SCAF8: variants seen among roughly 807,000 people sequenced by gnomAD.
SCAF8 encodes SR-related and CTD-associated factor 8.
In SCAF8, 23 loss-of-function variants were observed where a neutral mutation model predicts 140.5. The observed-to-expected ratio is 0.16, with a 90% confidence interval of 0.12 to 0.23. The LOEUF is 0.23. Ranked by LOEUF, SCAF8 falls within the 10% of genes least tolerant of loss-of-function variation. The pLI, the probability that SCAF8 is intolerant of heterozygous loss-of-function variation, is 1.00. For synonymous variants in SCAF8, 575 were observed against 528.9 expected, an observed-to-expected ratio of 1.09 and a Z score of -1.20; for missense variants, 1,397 against 1,555.7, an observed-to-expected ratio of 0.90 and a Z score of 1.72.
rs772824592 is a variant in SCAF8 at position 154,802,139 on chromosome 6, T to G, written c.775T>G (p.Phe259Val). 2.6e-5 allele frequency: 41 copies of G among 1,572,882 alleles called. No homozygotes were observed. Among genetic ancestry groups the G allele is most frequent in the Non-Finnish European group, 3.5e-5 (41 of 1,162,746 alleles). Residue 259 changes from phenylalanine to valine, a missense_variant, in exon 7 of 20, where the codon TTT becomes GTT. Transcript: ENST00000367178. ...TACTCCCTTAGAACAGGGAGTCTCC[T>G]TTAACAAGGTAGAAATTAAAATATC... ...TLTPLEQGVS[F>V]NKKLMDRFDF...
In SCAF8 at chr6:154,733,666, T is replaced by C; in HGVS notation, c.-235T>C. On this transcript the variant is annotated 5_prime_UTR_variant, in exon 1 of 20. Coordinates refer to ENST00000367178, the MANE Select transcript of SCAF8 (RefSeq NM_014892.5). ...CGACCCGCCCCGGCAGCGCCTCTGTTCCCTAGAACGGCGCTCCCCCCGCCC... is the reference window on the plus strand; with the variant it reads ...CGACCCGCCCCGGCAGCGCCTCTGTCCCCTAGAACGGCGCTCCCCCCGCCC... 7.7e-7 allele frequency: 1 copy of C among 1,301,892 alleles called. No individual in the cohort carries two copies. The allele number at this position is 1,301,892 out of a possible 1,614,324, so 80.6% of individuals were successfully genotyped here.
chr6:154,828,085 A>T (rs1175606180), intron 18 of SCAF8, among the ~76,000 whole-genome samples: 1 of 152,156 alleles, frequency 6.6e-6, no homozygotes, highest in African/African-American at 2.4e-5. Flanking sequence ...CCTTTTAATG[A>T]TGTTAAGATT....
chr6:154,828,782 G>GAA (rs1778643447), intron 18 of SCAF8, among the ~76,000 whole-genome samples: 1 of 152,090 alleles, frequency 6.6e-6, no homozygotes, highest in Non-Finnish European at 1.5e-5. Context: ...GACAAAACTA[G>GAA]AAAATGTGCA....
chr6:154,767,529 C>CT lies in SCAF8; in HGVS notation c.31-6433dup, dbSNP rs71021076. ...TGGCAGAAGCTGCTGCTTCTGTTAT[C>CT]TTTTTTTTTTTTTTTTTTTTTTTTT... is the stretch of plus-strand genomic sequence containing the variant. On this transcript the variant is annotated intron_variant, in intron 1 of 19. Coordinates refer to ENST00000367178, the MANE Select transcript of SCAF8 (RefSeq NM_014892.5). Among the ~76,000 whole-genome samples the CT allele has an allele frequency of 8.7e-3, 795 of 90,990 alleles. 64 individuals are homozygous for CT. The highest frequency in any genetic ancestry group is 0.013 in the Non-Finnish European group (573 of 45,296). The allele number at this position is 90,990 out of a possible 152,430, so 59.7% of individuals were successfully genotyped here.
At chr6:154,820,416 T>A in intron 15 of SCAF8, 83 bp downstream of exon 15, 1 of 1,115,302 alleles carries the variant, frequency 9.0e-7, no homozygotes, top group Non-Finnish European at 1.3e-6. Context: ...ATGACAGCGT[T>A]AACTGTGTAT....
chr6:154,784,470 G>T (rs2114864680), intron 3 of SCAF8, among the ~76,000 whole-genome samples: 1 of 152,120 alleles, frequency 6.6e-6, no homozygotes, highest in African/African-American at 2.4e-5. Context: ...TAAGAAACCA[G>T]GGATGTTTAT....
chr6:154,761,468 G>A (rs1776397251), intron 1 of SCAF8, among the ~76,000 whole-genome samples: 1 of 152,054 alleles, frequency 6.6e-6, no homozygotes, highest in Non-Finnish European at 1.5e-5. Context: ...ACTCCAGCCT[G>A]GGCAATAGAG....
Position 154,827,569 on chromosome 6 carries a change from A to G in SCAF8, c.2140+329A>G, listed in dbSNP as rs550161569. ...CCTCCCTTCCTTTTCTTAATGCTTC[A>G]TGACTTGTTGAAGAAACAGTTCATT... On this transcript the variant is annotated intron_variant, in intron 18 of 19. Transcript: ENST00000367178. Among the ~76,000 whole-genome samples, 39 of 152,226 alleles carry G rather than the reference A, an allele frequency of 2.6e-4. No individual in the cohort carries two copies. The South Asian group carries it at 7.7e-3, about 30-fold the overall frequency.
chr6:154,792,834 G>T lies in SCAF8; in HGVS notation c.333G>T (p.Val111=). 6.2e-7 allele frequency: 1 copy of T among 1,604,376 alleles called. No homozygotes were observed. Among genetic ancestry groups the T allele is most frequent in the Non-Finnish European group, 8.5e-7 (1 of 1,175,614 alleles). Reference sequence around the variant, plus strand: ...CTTTTTTTCTCTAGAGTAAAATAGTGAGAGTACTAAACTTATGGCAGAAGA... The same window carrying T: ...CTTTTTTTCTCTAGAGTAAAATAGTTAGAGTACTAAACTTATGGCAGAAGA... The part of the protein sequence containing the change: ...RCPGDDKSKI[V]RVLNLWQKNN... Residue 111 remains valine (V), a synonymous_variant, in exon 5 of 20, where the codon GTG becomes GTT. Coordinates refer to ENST00000367178, the MANE Select transcript of SCAF8 (RefSeq NM_014892.5).
intron 1 of SCAF8, among the ~76,000 whole-genome samples, chr6:154,739,371 G>C (rs1156495943): frequency 6.6e-6 from 1 of 152,050 alleles, no homozygotes; most frequent in African/African-American, 2.4e-5. Context: ...CTTCAAAAAA[G>C]TTAACAGTAA....
intron 8 of SCAF8, 152 bp downstream of exon 8, chr6:154,803,775 C>G (rs72993453): frequency 0.019 from 11,168 of 592,866 alleles, 151 homozygotes; most frequent in Non-Finnish European, 0.023. Flanking sequence ...GTCTTGTTGT[C>G]TCTTTGTATT....
intron 3 of SCAF8, among the ~76,000 whole-genome samples, chr6:154,785,985 C>T (rs1777239980): frequency 6.6e-6 from 1 of 152,090 alleles, no homozygotes; most frequent in South Asian, 2.1e-4. Flanking sequence ...TACCGTATGC[C>T]ATTGTATAAC....
At chr6:154,805,514 G>C in intron 9 of SCAF8, 28 bp downstream of exon 9, 3 of 1,282,068 alleles carry the variant, frequency 2.3e-6, no homozygotes, top group Non-Finnish European at 3.3e-6. Flanking sequence ...GTGGTCTTTA[G>C]AGTTATTACT....
intron 1 of SCAF8, among the ~76,000 whole-genome samples, chr6:154,757,584 C>A (rs1778998549): frequency 1.3e-5 from 2 of 152,148 alleles, no homozygotes; most frequent in Non-Finnish European, 2.9e-5. Context: ...TGCTTGGATA[C>A]CTAATATGTA....
At position 154,791,421 on chromosome 6, in the gene SCAF8, T is replaced by A. The variant is rs140128652; in HGVS notation, c.322-1402T>A. On this transcript the variant is annotated intron_variant, in intron 4 of 19. Coordinates refer to ENST00000367178, the MANE Select transcript of SCAF8 (RefSeq NM_014892.5). ...ATATGAAATGACTGAGATTAGGGTA[T>A]AAGTAATTAAATAGAAGTACGTTAT... Among the ~76,000 whole-genome samples the A allele has an allele frequency of 9.0e-3, 1,375 of 152,300 alleles. 16 individuals are homozygous for A. The highest frequency in any genetic ancestry group is 0.013 in the Non-Finnish European group (897 of 68,018).
At chr6:154,777,880 ATT>A (rs2114852183) in intron 2 of SCAF8, 119 bp from the exon 3 acceptor site, 1 of 653,956 alleles carries the variant, frequency 1.5e-6, no homozygotes, top group East Asian at 2.9e-5. Flanking sequence ...TTGTCTCAAA[ATT>A]CTTGGTTAAG....
chr6:154,792,750 T>A, intron 4 of SCAF8, 73 bp from the exon 5 acceptor site: 1 of 1,017,722 alleles, frequency 9.8e-7, no homozygotes, highest in Non-Finnish European at 1.4e-6. Context: ...AGGGCCCAGA[T>A]AGCCTCTATG....
At chr6:154,750,001 G>T (rs920728030) in intron 1 of SCAF8, among the ~76,000 whole-genome samples, 4 of 152,020 alleles carry the variant, frequency 2.6e-5, no homozygotes, top group African/African-American at 9.7e-5. Context: ...TGGATATGAG[G>T]AAGATGGGTG....
chr6:154,756,806 C>G (rs1167043528), intron 1 of SCAF8, among the ~76,000 whole-genome samples: 2 of 152,104 alleles, frequency 1.3e-5, no homozygotes, highest in Non-Finnish European at 2.9e-5. Flanking sequence ...GAGGGCGGAT[C>G]GCTTGAGCCT....
Sources: allele counts gnomAD v4.1 joint callset (sites outside exome capture counted in the v4.1 genomes callset), GRCh38; gene constraint gnomAD v4.1.1; transcripts MANE v1.5; gene names NCBI Gene and HGNC (gene_info 2026-07-23, HGNC 2026-07-21).